Variants in IBTK observed in about 807,000 individuals in gnomAD.
IBTK encodes the protein BTK-binding protein.
In IBTK, 83 loss-of-function variants were observed where a neutral mutation model predicts 154.9. The observed-to-expected ratio is 0.54, with a 90% CI of 0.45 to 0.64. The LOEUF is 0.64. Among genes scored for constraint, IBTK ranks in the 30% least tolerant of loss-of-function variants. The pLI is 0.00. For missense variants in IBTK, 1,332 were observed against 1,584.6 expected (o/e 0.84, Z 2.71); for synonymous variants, 515 against 536.1 (o/e 0.96, Z 0.54).
chr6:82,207,031 G>T (rs197238), intron 16 of IBTK, among the ~76,000 whole-genome samples: 44,221 of 151,958 alleles, frequency 0.29, 6,771 homozygotes, highest in Non-Finnish European at 0.34. Context: ...AACAAGACAA[G>T]GACAACCACT....
At chr6:82,186,284 C>T (rs2127800914) in intron 25 of IBTK, among the ~76,000 whole-genome samples, 2 of 152,174 alleles carry the variant, frequency 1.3e-5, no homozygotes, top group Middle Eastern at 6.8e-3. Context: ...AAGAAAAAGT[C>T]ACATGTCTCT....
intron 5 of IBTK, among the ~76,000 whole-genome samples, chr6:82,226,422 G>C (rs1770301176): frequency 6.6e-6 from 1 of 152,078 alleles, no homozygotes; most frequent in Non-Finnish European, 1.5e-5. Flanking sequence ...TTTTCTGATA[G>C]GTAATGTACT....
At chr6:82,192,194 A>G (rs963077373) in intron 23 of IBTK, among the ~76,000 whole-genome samples, 5 of 152,178 alleles carry the variant, frequency 3.3e-5, no homozygotes, top group African/African-American at 7.2e-5. Context: ...TTTTTTAAAA[A>G]AAGTGAAGCA....
intron 26 of IBTK, among the ~76,000 whole-genome samples, chr6:82,180,198 G>A (rs1291842278): frequency 6.6e-6 from 1 of 152,024 alleles, no homozygotes; most frequent in African/African-American, 2.4e-5. Flanking sequence ...ATGCAAAAAG[G>A]CTTAATCTGC....
At chr6:82,224,016 T>C (rs1447256669) in intron 7 of IBTK, 52 bp downstream of exon 7, 3 of 986,786 alleles carry the variant, frequency 3.0e-6, no homozygotes, top group Non-Finnish European at 3.1e-6. Flanking sequence ...AAAAGATAAT[T>C]TTTTAAAGAG....
At chr6:82,201,358 G>T (rs2127808125) in intron 19 of IBTK, 64 bp downstream of exon 19, 3 of 1,138,064 alleles carry the variant, frequency 2.6e-6, no homozygotes, top group South Asian at 2.8e-5. Context: ...TAATAAGTCT[G>T]ATCTAATATA....
chr6:82,195,796 C>A (rs1241715337), intron 22 of IBTK, among the ~76,000 whole-genome samples: 1 of 152,068 alleles, frequency 6.6e-6, no homozygotes, highest in Non-Finnish European at 1.5e-5. Context: ...AAATGCCCTC[C>A]CCAGAGCTGA....
At chr6:82,187,396 T>A (rs1410422715) in intron 25 of IBTK, among the ~76,000 whole-genome samples, 1 of 151,990 alleles carries the variant, frequency 6.6e-6, no homozygotes, top group African/African-American at 2.4e-5. Context: ...CAAGGAAAAA[T>A]TTTTCCTATG....
intron 27 of IBTK, chr6:82,173,105 G>T: frequency 4.0e-6 from 1 of 248,202 alleles, no homozygotes; most frequent in East Asian, 7.5e-5. Flanking sequence ...AGGTTCAAAC[G>T]ATTCTCCTGT....
chr6:82,244,663 C>T (rs1375584346), intron 1 of IBTK, among the ~76,000 whole-genome samples: 1 of 152,086 alleles, frequency 6.6e-6, no homozygotes. Flanking sequence ...CATATTTGCC[C>T]TAAACTCCAG....
intron 21 of IBTK, among the ~76,000 whole-genome samples, chr6:82,197,356 C>G (rs890711540): frequency 4.1e-5 from 6 of 146,978 alleles, no homozygotes; most frequent in African/African-American, 1.5e-4. Context: ...ATTTTTTTTG[C>G]CACACAATCT....
chr6:82,225,027 C>T (rs559295623), intron 6 of IBTK, among the ~76,000 whole-genome samples: 83 of 151,966 alleles, frequency 5.5e-4, no homozygotes, highest in Non-Finnish European at 1.1e-3. Flanking sequence ...AGGCTGGGTG[C>T]AGTGGCTCAC....
intron 5 of IBTK, 27 bp downstream of exon 5, chr6:82,227,165 T>G (rs2127822066): frequency 6.8e-7 from 1 of 1,467,104 alleles, no homozygotes; most frequent in East Asian, 2.3e-5. Context: ...TAAAGTTACC[T>G]AAATAGTGTA....
rs191440276 is a variant in IBTK, at chr6:82,173,544, C to G, written c.3726-106G>C. 3.8e-6 allele frequency: 3 copies of G among 787,654 alleles called. No individual in the cohort carries two copies. In the African/African-American group the frequency reaches 5.2e-5, roughly 14 times the overall value. 48.8% of individuals were successfully genotyped at this position (787,654 alleles called of 1,614,324 possible). A position where few individuals can be genotyped will look rare whatever the true frequency, so the allele number is the denominator to read the frequency against. ...AATTGTAAACTCCTGACTCCAGAGG[C>G]AAATTAAATGAGTGCAGTCAAGCTT... On this transcript the variant is annotated intron_variant, in intron 26 of 28. Transcript: ENST00000306270.
rs1033016021 is a variant in IBTK at position 82,240,850 on chromosome 6, G to C, written c.-357-7C>G. On this transcript the variant is annotated splice_region_variant and splice_polypyrimidine_tract_variant and intron_variant, in intron 1 of 28. Coordinates refer to ENST00000306270, the MANE Select transcript of IBTK (RefSeq NM_015525.4). ...CCATAATTGCAAGGGTGACCTATAA[G>C]AGAAAGAGAAGAGAAAATAAAAATT... The C allele has an allele frequency of 1.2e-5, 5 of 405,924 alleles. No homozygotes were observed. In the East Asian group the frequency reaches 1.4e-4, roughly 11 times the overall value. The allele number at this position is 405,924 out of a possible 1,614,324, so 25.1% of individuals were successfully genotyped here. A position where few individuals can be genotyped will look rare whatever the true frequency, so the allele number is the denominator to read the frequency against.
At position 82,240,390 on chromosome 6, in the gene IBTK, T is replaced by C; in HGVS notation, c.97A>G (p.Ile33Val). The C allele has an allele frequency of 1.2e-6, 2 of 1,614,192 alleles. No homozygotes were observed. Among genetic ancestry groups the C allele is most frequent in the South Asian group, 2.2e-5 (2 of 91,090 alleles). The change falls in exon 2 of 29, where the codon ATT (isoleucine) becomes GTT (valine). Residue 33 changes from isoleucine to valine, a missense_variant. Coordinates refer to ENST00000306270, the MANE Select transcript of IBTK (RefSeq NM_015525.4). ...CAATGACTGGAGAGAAAGGCCTTAA[T>C]CTGGTTTTCGCTCCCCTTTGTTACC... ...SVVTKGSENQ[I>V]KAFLSSHCYN...
At chr6:82,195,386 A>G (rs1768943062) in intron 22 of IBTK, among the ~76,000 whole-genome samples, 1 of 151,988 alleles carries the variant, frequency 6.6e-6, no homozygotes, top group Non-Finnish European at 1.5e-5. Context: ...GACCAGCCTG[A>G]GCAACACGGC....
intron 25 of IBTK, among the ~76,000 whole-genome samples, chr6:82,185,299 G>T (rs1562073659): frequency 6.6e-6 from 1 of 150,882 alleles, no homozygotes; most frequent in Non-Finnish European, 1.5e-5. Flanking sequence ...AGTGGCTCAT[G>T]CCTGTAATCC....
At chr6:82,183,989 T>C (rs1768415873) in intron 25 of IBTK, among the ~76,000 whole-genome samples, 1 of 152,230 alleles carries the variant, frequency 6.6e-6, no homozygotes, top group South Asian at 2.1e-4. Context: ...TCCCAGCCTC[T>C]AGAACTGTGA....
Sources: gnomAD v4.1 joint callset for allele counts (sites outside exome capture counted in the v4.1 genomes callset) on GRCh38, gnomAD v4.1.1 for gene constraint, MANE v1.5 for transcripts, NCBI Gene and HGNC (gene_info 2026-07-23, HGNC 2026-07-21) for gene names.